SUSD4: variants seen among roughly 807,000 people sequenced by gnomAD.
SUSD4 encodes sushi domain-containing protein 4.
Under a neutral mutation model 50.5 loss-of-function variants are expected in SUSD4, and 41 were observed. That is an observed-to-expected ratio of 0.81 (90% CI 0.63 to 1.05). SUSD4 has a LOEUF of 1.05. SUSD4 is among the 50% of genes least tolerant of loss of function. SUSD4 has a pLI of 0.00. For synonymous variants in SUSD4, 257 were observed against 257.3 expected (o/e 1.00, Z 0.01); for missense variants, 580 against 634.7 (o/e 0.91, Z 0.93).
chr1:223,255,952 C>G (rs1053641082), intron 5 of SUSD4, among the ~76,000 whole-genome samples: 2 of 152,140 alleles, frequency 1.3e-5, no homozygotes, highest in African/African-American at 4.8e-5. Context: ...GTGGTCACTG[C>G]TATTATCATT....
At chr1:223,292,747 C>G in intron 2 of SUSD4, 96 bp from the exon 3 acceptor site, 1 of 1,285,994 alleles carries the variant, frequency 7.8e-7, no homozygotes, top group Non-Finnish European at 1.1e-6. Flanking sequence ...TGATGTCATA[C>G]GCCTTGGACA....
chr1:223,269,986 C>A (rs1180492636), intron 3 of SUSD4, among the ~76,000 whole-genome samples: 1 of 152,078 alleles, frequency 6.6e-6, no homozygotes, highest in African/African-American at 2.4e-5. Context: ...TGGCTAGGAA[C>A]TTTGGTGGCT....
At chr1:223,322,141 T>TTTAA (rs1666608037) in intron 2 of SUSD4, among the ~76,000 whole-genome samples, 1 of 151,710 alleles carries the variant, frequency 6.6e-6, no homozygotes, top group Admixed American at 6.6e-5. Flanking sequence ...TAATTGATGA[T>TTTAA]ATGAGATTGT....
At chr1:223,264,277 G>T in intron 5 of SUSD4, 2 of 1,008,614 alleles carry the variant, frequency 2.0e-6, no homozygotes, top group Non-Finnish European at 2.4e-6. Flanking sequence ...ACAATAAAAC[G>T]AGGGGTAAGA....
rs557448697 is a variant in SUSD4, at chr1:223,358,239, T to C, written c.148+5039A>G. 3.3e-5 allele frequency among the ~76,000 whole-genome samples: 5 copies of C among 151,732 alleles called. No homozygotes were observed. In the East Asian group the frequency reaches 9.7e-4, roughly 30 times the overall value. On this transcript the variant is annotated intron_variant, in intron 2 of 8. Coordinates refer to ENST00000366878, the MANE Select transcript of SUSD4 (RefSeq NM_017982.4). ...TATCCCCAGGATGTACAATAGACAC[T>C]GGAAAAAGATGGATGGATGGATGGA...
At chr1:223,323,911 G>A (rs1666730351) in intron 2 of SUSD4, among the ~76,000 whole-genome samples, 1 of 151,416 alleles carries the variant, frequency 6.6e-6, no homozygotes, top group Non-Finnish European at 1.5e-5. Context: ...GAATCAATCT[G>A]CCCAATTATT....
chr1:223,363,128 G>T, intron 2 of SUSD4, 150 bp downstream of exon 2: 4 of 957,708 alleles, frequency 4.2e-6, no homozygotes, highest in South Asian at 3.5e-5. Context: ...GAGAAGGGCG[G>T]CCATAGGCTG....
At chr1:223,297,155 A>G (rs1412266634) in intron 2 of SUSD4, among the ~76,000 whole-genome samples, 3 of 152,224 alleles carry the variant, frequency 2.0e-5, no homozygotes, top group African/African-American at 7.2e-5. Flanking sequence ...CACTGGGACC[A>G]CTGCCCATGC....
At chr1:223,260,136 GC>G (rs1258103804) in intron 5 of SUSD4, among the ~76,000 whole-genome samples, 1 of 152,176 alleles carries the variant, frequency 6.6e-6, no homozygotes, top group African/African-American at 2.4e-5. Flanking sequence ...AAATGCAGAA[GC>G]CCCCGTGTGC....
chr1:223,230,536 A>T (rs1659826463), intron 5 of SUSD4: 1 of 152,234 alleles, frequency 6.6e-6, no homozygotes, highest in African/African-American at 2.4e-5. Context: ...GAAACTACTC[A>T]CTGGCAGCAG....
At chr1:223,246,747 G>A (rs1288659808) in intron 5 of SUSD4, among the ~76,000 whole-genome samples, 1 of 152,112 alleles carries the variant, frequency 6.6e-6, no homozygotes, top group Non-Finnish European at 1.5e-5. Context: ...TGAAGTGTGA[G>A]GCAAGGCCAC....
intron 2 of SUSD4, among the ~76,000 whole-genome samples, chr1:223,351,961 A>C (rs568709002): frequency 6.6e-6 from 1 of 152,084 alleles, no homozygotes; most frequent in East Asian, 1.9e-4. Context: ...AGCAGGCACT[A>C]TAGGAAAACG....
intron 2 of SUSD4, among the ~76,000 whole-genome samples, chr1:223,326,624 T>C (rs1666891564): frequency 6.6e-6 from 1 of 152,006 alleles, no homozygotes. Flanking sequence ...AGCCAGAATC[T>C]ACAAGAAACT....
chr1:223,353,969 T>G (rs1668512666), intron 2 of SUSD4, among the ~76,000 whole-genome samples: 1 of 150,644 alleles, frequency 6.6e-6, no homozygotes, highest in African/African-American at 2.5e-5. Context: ...AGGCAGAAGC[T>G]GCAGCGAGCC....
chr1:223,234,170 A>G (rs978325141), intron 5 of SUSD4, among the ~76,000 whole-genome samples: 2 of 152,176 alleles, frequency 1.3e-5, no homozygotes, highest in Admixed American at 1.3e-4. Flanking sequence ...TGGGACCTGA[A>G]GTCTTCCCTG....
chr1:223,323,382 A>C (rs1572060854), intron 2 of SUSD4, among the ~76,000 whole-genome samples: 1 of 152,192 alleles, frequency 6.6e-6, no homozygotes, highest in African/African-American at 2.4e-5. Flanking sequence ...CATCAACATG[A>C]GATGTCCCCA....
chr1:223,248,507 G>A (rs138281700), intron 5 of SUSD4, among the ~76,000 whole-genome samples: 3 of 152,336 alleles, frequency 2.0e-5, no homozygotes, highest in Non-Finnish European at 4.4e-5. Context: ...CCATCTCCAT[G>A]ACTACGTCTG....
Position 223,221,203 on chromosome 1 carries a change from T to C in SUSD4, c.*989A>G, listed in dbSNP as rs1659121259. On this transcript the variant is annotated 3_prime_UTR_variant, in exon 9 of 9. Transcript: ENST00000366878. ...GAAAAATCCAACCTCACACTTCTTT[T>C]GAAGGTCGGATATGTTTACAGAAAC... 2.5e-6 allele frequency: 1 copy of C among 400,216 alleles called. No individual in the cohort carries two copies. Among genetic ancestry groups the C allele is most frequent in the Non-Finnish European group, 4.4e-6 (1 of 226,140 alleles). The allele number at this position is 400,216 out of a possible 1,614,324, so 24.8% of individuals were successfully genotyped here. A position where few individuals can be genotyped will look rare whatever the true frequency, so the allele number is the denominator to read the frequency against.
At chr1:223,304,148 G>A (rs1665368782) in intron 2 of SUSD4, among the ~76,000 whole-genome samples, 1 of 152,114 alleles carries the variant, frequency 6.6e-6, no homozygotes, top group African/African-American at 2.4e-5. Flanking sequence ...CCGTTTATAG[G>A]CTCTCCACAA....
Sources: allele counts gnomAD v4.1 joint callset (sites outside exome capture counted in the v4.1 genomes callset), GRCh38; gene constraint gnomAD v4.1.1; transcripts MANE v1.5; gene names NCBI Gene and HGNC (gene_info 2026-07-23, HGNC 2026-07-21).